CUX2: variants seen among roughly 807,000 people sequenced by gnomAD.
CUX2 encodes the protein homeobox protein cut-like 2.
In CUX2, 40 loss-of-function variants were observed where a neutral mutation model predicts 144.8. The observed-to-expected ratio is 0.28, with a 90% CI of 0.21 to 0.36. The LOEUF (loss-of-function observed/expected upper bound fraction) is 0.36, where lower values mean the gene tolerates loss of function less well. CUX2 is among the 10% of genes least tolerant of loss of function. CUX2 has a pLI of 1.00. For synonymous variants in CUX2, 827 were observed against 875.6 expected, an observed-to-expected ratio of 0.94 and a Z score of 0.98; for missense variants, 1,615 against 1,994.0, an observed-to-expected ratio of 0.81 and a Z score of 3.62.
chr12:111,308,588 C>A, intron 14 of CUX2, 62 bp downstream of exon 14: 1 of 1,375,300 alleles, frequency 7.3e-7, no homozygotes, highest in Non-Finnish European at 1.0e-6. Context: ...GGGTCTCTGG[C>A]CTTCTCATGC....
intron 16 of CUX2, among the ~76,000 whole-genome samples, chr12:111,319,636 G>C (rs748606677): frequency 6.6e-6 from 1 of 152,252 alleles, no homozygotes; most frequent in Non-Finnish European, 1.5e-5. Flanking sequence ...GGAGGCTGAG[G>C]TAGGAGAATT....
At chr12:111,175,590 T>A (rs1215885144) in intron 1 of CUX2, among the ~76,000 whole-genome samples, 1 of 152,120 alleles carries the variant, frequency 6.6e-6, no homozygotes, top group East Asian at 1.9e-4. Context: ...CACGCGGCAA[T>A]ATCGTGTTGG....
chr12:111,322,352 G>A lies in CUX2; in HGVS notation c.2767-69G>A. On this transcript the variant is annotated intron_variant, in intron 17 of 21. Transcript: ENST00000261726. The surrounding 1 kb of genome is among the most constrained non-coding windows in gnomAD (Gnocchi z 4.2). ...AAAAAAAAAAAAAAAAAAGGTTGGG[G>A]AGGAGAGTGAGGGCCAGGCCCATGT... The A allele has an allele frequency of 1.5e-6, 2 of 1,350,642 alleles. No individual in the cohort carries two copies. Among genetic ancestry groups the A allele is most frequent in the South Asian group, 2.9e-5 (2 of 68,392 alleles). The allele number at this position is 1,350,642 out of a possible 1,614,324, so 83.7% of individuals were successfully genotyped here.
At chr12:111,296,704 G>T (rs546259786) in intron 8 of CUX2, among the ~76,000 whole-genome samples, 165 bp downstream of exon 8, 3 of 132,130 alleles carry the variant, frequency 2.3e-5, no homozygotes, top group East Asian at 4.8e-4. Context: ...TCCCAGACAC[G>T]CCTCCACCCT....
At chr12:111,231,444 T>G (rs1429697461) in intron 3 of CUX2, among the ~76,000 whole-genome samples, 1 of 152,252 alleles carries the variant, frequency 6.6e-6, no homozygotes, top group Non-Finnish European at 1.5e-5. Flanking sequence ...ACAACCAGAT[T>G]GCAAAATTTC....
chr12:111,220,100 C>T (rs867931490), intron 3 of CUX2, among the ~76,000 whole-genome samples: 5 of 151,308 alleles, frequency 3.3e-5, no homozygotes, highest in South Asian at 2.1e-4. Context: ...GCCAAGATCA[C>T]GCCACTGCAT....
At position 111,347,617 on chromosome 12, in the gene CUX2, C is replaced by T. The variant is rs1186575823; in HGVS notation, c.3753C>T (p.His1251=). Reference sequence around the variant, plus strand: ...GTCCTGGAATCCTACCGCCAGGCCACTCCCACCCAGACCCCACCCCGCAGA... The same window carrying T: ...GTCCTGGAATCCTACCGCCAGGCCATTCCCACCCAGACCCCACCCCGCAGA... ...SGGPGILPPG[H]SHPDPTPQSP... Residue 1251 remains histidine (H), a synonymous_variant, in exon 22 of 22, where the codon CAC becomes CAT. Coordinates refer to ENST00000261726, the MANE Select transcript of CUX2 (RefSeq NM_015267.4). The T allele has an allele frequency of 9.3e-6, 15 of 1,610,274 alleles. No homozygotes were observed. The highest frequency in any genetic ancestry group is 3.3e-5 in the South Asian group (3 of 90,994).
At chr12:111,296,429 C>G in intron 7 of CUX2, 44 bp from the exon 8 acceptor site, 1 of 1,559,600 alleles carries the variant, frequency 6.4e-7, no homozygotes, top group Non-Finnish European at 8.7e-7. Flanking sequence ...CCAGCTCCTT[C>G]CCACTCGGAG....
At chr12:111,143,198 C>T (rs564272435) in intron 1 of CUX2, among the ~76,000 whole-genome samples, 2 of 152,286 alleles carry the variant, frequency 1.3e-5, no homozygotes, top group South Asian at 2.1e-4. Context: ...AGGGGGGCCA[C>T]ATGACTCCTT....
intron 4 of CUX2, among the ~76,000 whole-genome samples, chr12:111,266,435 C>T (rs1884392170): frequency 1.3e-5 from 2 of 150,284 alleles, no homozygotes; most frequent in African/African-American, 4.9e-5. Flanking sequence ...CACAACACTG[C>T]ACTCCAGCCT....
chr12:111,233,694 G>C (rs1002843546), intron 3 of CUX2, among the ~76,000 whole-genome samples: 16 of 152,172 alleles, frequency 1.1e-4, no homozygotes, highest in Non-Finnish European at 2.4e-4. Flanking sequence ...ATATTCTGGA[G>C]AATCCTGAGA....
rs182417498 is a variant in CUX2, at chr12:111,160,501, G to C, written c.64-53699G>C. On this transcript the variant is annotated intron_variant, in intron 1 of 21. Transcript: ENST00000261726. The surrounding 1 kb of genome is among the most constrained non-coding windows in gnomAD (Gnocchi z 4.1). ...GTGCACACGTGCAGTGTGTCAGGGA[G>C]GGCCCTTCCTGGTCCAAGAACTCGC... 2.1e-4 allele frequency among the ~76,000 whole-genome samples: 32 copies of C among 152,338 alleles called. No individual in the cohort carries two copies. The highest frequency in any genetic ancestry group is 7.5e-4 in the African/African-American group (31 of 41,562).
rs991152012 is a variant in CUX2 at position 111,307,899 on chromosome 12, C to T, written c.1110-386C>T. 2.6e-5 allele frequency among the ~76,000 whole-genome samples: 4 copies of T among 152,172 alleles called. No homozygotes were observed. The highest frequency in any genetic ancestry group is 4.8e-5 in the African/African-American group (2 of 41,442). On this transcript the variant is annotated intron_variant, in intron 12 of 21. Coordinates refer to ENST00000261726, the MANE Select transcript of CUX2 (RefSeq NM_015267.4). This position sits in a 1 kb window ranked among gnomAD's most constrained non-coding sequence, Gnocchi z 4.1. ...TTGGGAGGCTGAGGCAGGAGAATCG[C>T]TTGAACCTGGGAGGCAGAGATCGTG...
At chr12:111,179,018 C>T (rs1229598645) in intron 1 of CUX2, among the ~76,000 whole-genome samples, 1 of 152,112 alleles carries the variant, frequency 6.6e-6, no homozygotes, top group African/African-American at 2.4e-5. Flanking sequence ...CCAGCAGCAG[C>T]CAAGGGGGGT....
At chr12:111,152,103 G>A (rs1877085460) in intron 1 of CUX2, among the ~76,000 whole-genome samples, 1 of 152,028 alleles carries the variant, frequency 6.6e-6, no homozygotes, top group South Asian at 2.1e-4. Context: ...TAGCCAACAT[G>A]GGGAAACCCC....
intron 4 of CUX2, among the ~76,000 whole-genome samples, chr12:111,273,507 C>G (rs1472157924): frequency 2.6e-5 from 4 of 152,164 alleles, no homozygotes; most frequent in Admixed American, 6.5e-5. Context: ...GGAGCTTGGA[C>G]AAAACCACTG....
At chr12:111,294,319 G>T (rs1261917304) in intron 6 of CUX2, among the ~76,000 whole-genome samples, 1 of 152,116 alleles carries the variant, frequency 6.6e-6, no homozygotes, top group Non-Finnish European at 1.5e-5. Context: ...TGTTGGCCAG[G>T]ATAGTCTCAA....
chr12:111,320,029 G>C lies in CUX2; in HGVS notation c.2020G>C (p.Val674Leu). 2.0e-6 allele frequency: 3 copies of C among 1,533,596 alleles called. No individual in the cohort carries two copies. Among genetic ancestry groups the C allele is most frequent in the Non-Finnish European group, 2.6e-6 (3 of 1,145,636 alleles). The allele number at this position is 1,533,596 out of a possible 1,614,324, so 95.0% of individuals were successfully genotyped here. ...CCCCGCAGGCGAGCCCAAGACCTCG[G>C]TGGCCCCGCTGAGCATCGCCAACGG... is the stretch of plus-strand genomic sequence containing the variant. Reference protein sequence around the residue: ...SQKGGEPKTSVAPLSIANGTT... With the variant: ...SQKGGEPKTSLAPLSIANGTT... The change falls in exon 17 of 22, where the codon GTG (valine) becomes CTG (leucine). Residue 674 changes from valine (V) to leucine (L), a missense_variant. Val to Leu is a conservative substitution (Grantham distance 32, BLOSUM62 1). Coordinates refer to ENST00000261726, the MANE Select transcript of CUX2 (RefSeq NM_015267.4). The surrounding 1 kb of genome is among the most constrained non-coding windows in gnomAD (Gnocchi z 8.1).
At chr12:111,290,257 CG>C (rs1235692080) in intron 4 of CUX2, among the ~76,000 whole-genome samples, 1 of 152,072 alleles carries the variant, frequency 6.6e-6, no homozygotes, top group Middle Eastern at 3.2e-3. Context: ...CCCAGCTACT[CG>C]GGAGGCTGAG....
Sources: allele counts gnomAD v4.1 joint callset (sites outside exome capture counted in the v4.1 genomes callset), GRCh38; gene constraint gnomAD v4.1.1; non-coding constraint Gnocchi (gnomAD v3.1); transcripts MANE v1.5; gene names NCBI Gene and HGNC (gene_info 2026-07-23, HGNC 2026-07-21).